Variants in CDC25C observed in about 807,000 individuals in gnomAD.
The protein encoded by CDC25C is cell division cycle 25C.
A neutral mutation model predicts 52.5 loss-of-function variants in CDC25C; 48 were observed. That is an observed-to-expected ratio of 0.91 (90% CI 0.72 to 1.16). The LOEUF is 1.16. Among genes scored for constraint, CDC25C ranks in the 50% most tolerant of loss-of-function variants. CDC25C has a pLI of 0.00. For synonymous variants in CDC25C, 187 were observed against 206.5 expected (o/e 0.91, Z 0.81); for missense variants, 510 against 566.1 (o/e 0.90, Z 1.01).
At chr5:138,286,158 T>A in intron 12 of CDC25C, 25 bp from the exon 13 acceptor site, 1 of 1,569,834 alleles carries the variant, frequency 6.4e-7, no homozygotes, top group South Asian at 1.1e-5. Flanking sequence ...CAGAGATGGG[T>A]GGGGTGGAAA....
At chr5:138,300,562 C>CAA (rs76539640) in intron 7 of CDC25C, among the ~76,000 whole-genome samples, 1 of 133,880 alleles carries the variant, frequency 7.5e-6, no homozygotes, top group African/African-American at 2.8e-5. Flanking sequence ...GACTCTGTCT[C>CAA]AAAAAAAAAA....
At chr5:138,294,323 C>G (rs2126675048) in intron 7 of CDC25C, among the ~76,000 whole-genome samples, 1 of 151,694 alleles carries the variant, frequency 6.6e-6, no homozygotes, top group South Asian at 2.1e-4. Context: ...TCCCGAGTAG[C>G]TGGGATTACA....
intron 7 of CDC25C, among the ~76,000 whole-genome samples, chr5:138,303,595 C>T (rs1757789311): frequency 6.6e-6 from 1 of 152,172 alleles, no homozygotes; most frequent in Non-Finnish European, 1.5e-5. Flanking sequence ...TGACTCATTC[C>T]TCCTGACATC....
At chr5:138,332,033 C>G (rs945516930), upstream of CDC25C, 2 of 423,448 alleles carry the variant, frequency 4.7e-6, no homozygotes, top group African/African-American at 4.3e-5. Flanking sequence ...GTTAGGCAGG[C>G]TGCGGGGTAA....
chr5:138,305,739 A>G (rs539835649), intron 7 of CDC25C, among the ~76,000 whole-genome samples: 1 of 152,308 alleles, frequency 6.6e-6, no homozygotes, highest in South Asian at 2.1e-4. Flanking sequence ...GCAGACATTT[A>G]CAATTTGGCT....
rs1760341823 is a variant in CDC25C, at chr5:138,331,113, G to C, written c.68C>G (p.Ser23Cys). The change falls in exon 2 of 14, where the codon TCT (serine) becomes TGT (cysteine). Residue 23 changes from serine (S) to cysteine (C), a missense_variant. Coordinates refer to ENST00000323760, the MANE Select transcript of CDC25C (RefSeq NM_001790.5). ...CAGGTTTAACATTTTCCTTTGATTA[G>C]ACCTAAAACTGGGTCCTGAGCCAGA... ...GSSGSGPSFR[S>C]NQRKMLNLLL... is the part of the protein sequence containing the mutation. The C allele has an allele frequency of 6.2e-7, 1 of 1,613,712 alleles. No individual in the cohort carries two copies. The highest frequency in any genetic ancestry group is 8.5e-7 in the Non-Finnish European group (1 of 1,179,582).
intron 7 of CDC25C, among the ~76,000 whole-genome samples, chr5:138,303,872 A>T (rs1757809099): frequency 6.6e-6 from 1 of 152,220 alleles, no homozygotes; most frequent in Admixed American, 6.5e-5. Flanking sequence ...TAAATGAATG[A>T]ATGAATGAAT....
At chr5:138,295,204 A>G (rs1279951242) in intron 7 of CDC25C, among the ~76,000 whole-genome samples, 1 of 152,204 alleles carries the variant, frequency 6.6e-6, no homozygotes, top group Admixed American at 6.5e-5. Context: ...TCAATGTTTT[A>G]GGTTTCTGGT....
intron 7 of CDC25C, among the ~76,000 whole-genome samples, chr5:138,310,453 G>A (rs1237922326): frequency 6.6e-6 from 1 of 152,084 alleles, no homozygotes; most frequent in African/African-American, 2.4e-5. Context: ...TTACTTCAAT[G>A]TTTACTTTGC....
chr5:138,328,351 AG>A, intron 4 of CDC25C, 132 bp downstream of exon 4: 1 of 692,328 alleles, frequency 1.4e-6, no homozygotes, highest in East Asian at 2.5e-5. Context: ...GTTCAAGGTA[AG>A]GAACTAGGCC....
At chr5:138,291,219 A>G (rs1756684072) in intron 8 of CDC25C, among the ~76,000 whole-genome samples, 1 of 151,634 alleles carries the variant, frequency 6.6e-6, no homozygotes, top group East Asian at 1.9e-4. Context: ...CATCTATTTA[A>G]TTTTTTTAAA....
Position 138,312,527 on chromosome 5 carries a change from A to C in CDC25C, c.615+6692T>G, listed in dbSNP as rs528397878. On this transcript the variant is annotated intron_variant, in intron 7 of 13. Coordinates refer to ENST00000323760, the MANE Select transcript of CDC25C (RefSeq NM_001790.5). ...TATTATTCTGCCATAAAAAGGAATG[A>C]AATTATGATACATGCTACAACATAG... 1.4e-3 allele frequency among the ~76,000 whole-genome samples: 207 copies of C among 152,388 alleles called. 1 individual carries two copies. Among genetic ancestry groups the C allele is most frequent in the African/African-American group, 4.7e-3 (195 of 41,594 alleles).
At chr5:138,324,541 C>T (rs550789830) in intron 6 of CDC25C, among the ~76,000 whole-genome samples, 17 of 151,986 alleles carry the variant, frequency 1.1e-4, no homozygotes, top group South Asian at 1.0e-3. Flanking sequence ...GGGCAGACTA[C>T]GAGGTCAGGA....
chr5:138,294,126 A>G (rs1756986642), intron 7 of CDC25C, among the ~76,000 whole-genome samples: 1 of 150,686 alleles, frequency 6.6e-6, no homozygotes, highest in Non-Finnish European at 1.5e-5. Flanking sequence ...CCCAGGTTCA[A>G]GTGATTCTCC....
Position 138,285,637 on chromosome 5 carries a change from AG to A in CDC25C, c.*54del. On this transcript the variant is annotated 3_prime_UTR_variant, in exon 14 of 14. Coordinates refer to ENST00000323760, the MANE Select transcript of CDC25C (RefSeq NM_001790.5). ...CCATCCAGAAGGCCTCTTTCTGCTCAGGGTTTCTGCAGTGTCTTTTGGTGAC... is the reference window on the plus strand; with the variant it reads ...CCATCCAGAAGGCCTCTTTCTGCTCAGGTTTCTGCAGTGTCTTTTGGTGAC... 4 of 1,557,354 alleles carry A rather than the reference AG, an allele frequency of 2.6e-6. No individual in the cohort carries two copies. The highest frequency in any genetic ancestry group is 3.5e-6 in the Non-Finnish European group (4 of 1,138,852).
At chr5:138,299,431 G>A (rs983569278) in intron 7 of CDC25C, among the ~76,000 whole-genome samples, 2 of 148,990 alleles carry the variant, frequency 1.3e-5, no homozygotes, top group Non-Finnish European at 3.0e-5. Flanking sequence ...AGGGGGCAGA[G>A]GTTGCAGTGA....
intron 7 of CDC25C, among the ~76,000 whole-genome samples, chr5:138,305,068 T>G (rs4507482): frequency 0.14 from 20,833 of 152,208 alleles, 1,707 homozygotes; most frequent in South Asian, 0.23. Flanking sequence ...TGAAGACCTT[T>G]TCCACCTGGG....
In CDC25C at chr5:138,285,801, T is replaced by A. The variant is rs2126633118; in HGVS notation, c.1313A>T (p.Gln438Leu). The A allele has an allele frequency of 1.2e-6, 2 of 1,614,064 alleles. No individual in the cohort carries two copies. The highest frequency in any genetic ancestry group is 4.5e-5 in the East Asian group (2 of 44,898). ...CCTCAGCAACTCAGTCTTGTGGTCC[T>A]GATGATGCATAGGGCAGTAGCTCTG... is the stretch of plus-strand genomic sequence containing the variant. The part of the protein sequence containing the change: ...EPQSYCPMHH[Q>L]DHKTELLRCR... The change falls in exon 14 of 14, where the codon CAG becomes CTG. Residue 438 changes from glutamine (Q) to leucine (L), a missense_variant. By Grantham distance (113) the Gln-to-Leu change is moderately radical (BLOSUM62 -2). Transcript: ENST00000323760.
exon 1 of CDC25C, chr5:138,338,255 A>G (rs1316777885): frequency 9.0e-7 from 1 of 1,107,390 alleles, no homozygotes; most frequent in East Asian, 5.9e-5. Flanking sequence ...CGTGGGGCGA[A>G]CCGAGCGCTC....
Sources: allele counts gnomAD v4.1 joint callset (sites outside exome capture counted in the v4.1 genomes callset), GRCh38; gene constraint gnomAD v4.1.1; transcripts MANE v1.5; gene names NCBI Gene and HGNC (gene_info 2026-07-23, HGNC 2026-07-21).